SP6: variants seen among roughly 807,000 people sequenced by gnomAD.
The protein encoded by SP6 is transcription factor Sp6.
A neutral mutation model predicts 23.4 loss-of-function variants in SP6; 10 were observed. The ratio of observed to expected loss-of-function variants is 0.43; its 90% confidence interval spans 0.26 to 0.72. The LOEUF (loss-of-function observed/expected upper bound fraction) is 0.72. SP6 is among the 30% of genes least tolerant of loss of function. The probability of loss-of-function intolerance (pLI) is 0.23; values close to 1 mark genes in which losing one functional copy is unlikely to be tolerated. For missense variants in SP6, 482 were observed against 523.8 expected (o/e 0.92, Z 0.78); for synonymous variants, 238 against 238.7 (o/e 1.00, Z 0.03).
At chr17:47,868,825 G>A in the SP6 span, among the ~76,000 whole-genome samples, 13 of 152,150 alleles carry the variant, frequency 8.5e-5, no homozygotes, top group Admixed American at 2.0e-4. Flanking sequence ...CGGGATGGGG[G>A]AAGAAGGAGG....
chr17:47,853,776 TCAA>T (rs960027361), upstream of SP6, among the ~76,000 whole-genome samples: 1 of 152,164 alleles, frequency 6.6e-6, no homozygotes, highest in African/African-American at 2.4e-5. Flanking sequence ...AGCAGGAAAT[TCAA>T]CAACAATGCA....
In SP6 at chr17:47,848,329, C is replaced by CTGCACGAGTGTGG. The variant is rs767001681; in HGVS notation, c.100_101insCCACACTCGTGCA (p.Gly34AlafsTer10). On this transcript the variant is annotated frameshift_variant, in exon 2 of 2. Transcript: ENST00000536300. LOFTEE classifies it high-confidence loss of function. The surrounding 1 kb of genome is among the most constrained non-coding windows in gnomAD (Gnocchi z 5.3). ...GTCCCCGGCCTCAGGGCTCGTGTGG[C>CTGCACGAGTGTGG]CCTGGTAAGTTTGGAGAGGCTGCAG... 2.5e-6 allele frequency: 4 copies of CTGCACGAGTGTGG among 1,609,132 alleles called. No homozygotes were observed. In the East Asian group the frequency reaches 9.0e-5, roughly 36 times the overall value.
At chr17:47,854,644 G>A (rs1000139026), upstream of SP6, among the ~76,000 whole-genome samples, 1 of 152,158 alleles carries the variant, frequency 6.6e-6, no homozygotes, top group African/African-American at 2.4e-5. Flanking sequence ...GCTGAGACAA[G>A]TCAGACTCTA....
At chr17:47,855,062 G>A (rs912654124), upstream of SP6, among the ~76,000 whole-genome samples, 3 of 152,178 alleles carry the variant, frequency 2.0e-5, no homozygotes, top group African/African-American at 7.2e-5. Context: ...AACACTTATC[G>A]AGGGTCTACT....
At chr17:47,871,523 A>G in the SP6 span, among the ~76,000 whole-genome samples, 75 of 151,084 alleles carry the variant, frequency 5.0e-4, 1 homozygote, top group Admixed American at 7.2e-4. Flanking sequence ...ATAAGTGAAA[A>G]CCTCTCCATT....
upstream of SP6, among the ~76,000 whole-genome samples, chr17:47,852,675 T>C (rs2033969809): frequency 6.6e-6 from 1 of 152,084 alleles, no homozygotes; most frequent in Non-Finnish European, 1.5e-5. Flanking sequence ...ACCGAGTGCA[T>C]AAGCGGGGTG....
the SP6 span, among the ~76,000 whole-genome samples, chr17:47,876,167 T>C: frequency 3.3e-5 from 5 of 152,218 alleles, no homozygotes; most frequent in Non-Finnish European, 7.4e-5. Flanking sequence ...TCTGGTAGAT[T>C]CGAGGTGGTT....
the SP6 span, among the ~76,000 whole-genome samples, chr17:47,866,911 G>C: frequency 6.6e-6 from 1 of 152,176 alleles, no homozygotes; most frequent in Admixed American, 6.5e-5. Flanking sequence ...AGACAGGGAG[G>C]GGGAGGTGAG....
chr17:47,864,225 C>CT, the SP6 span, among the ~76,000 whole-genome samples: 6 of 151,612 alleles, frequency 4.0e-5, no homozygotes, highest in African/African-American at 1.2e-4. Context: ...CTGAATGAGT[C>CT]TTTGAGTCTT....
At chr17:47,857,462 T>TA (rs1334031396), upstream of SP6, among the ~76,000 whole-genome samples, 1 of 152,184 alleles carries the variant, frequency 6.6e-6, no homozygotes, top group Non-Finnish European at 1.5e-5. Flanking sequence ...TATGCTTAGG[T>TA]AGCAGGTCCA....
At chr17:47,852,057 G>A, upstream of SP6, among the ~76,000 whole-genome samples, 1 of 152,072 alleles carries the variant, frequency 6.6e-6, no homozygotes, top group East Asian at 1.9e-4. Flanking sequence ...CGGTTCTGAA[G>A]AATGGGCAGG....
chr17:47,849,711 C>T (rs2033935255), intron 1 of SP6, among the ~76,000 whole-genome samples: 1 of 152,198 alleles, frequency 6.6e-6, no homozygotes, highest in Admixed American at 6.5e-5. Flanking sequence ...TTTCTGTAAA[C>T]CAATCTTTCT....
At chr17:47,874,093 T>A in the SP6 span, among the ~76,000 whole-genome samples, 1 of 151,676 alleles carries the variant, frequency 6.6e-6, no homozygotes, top group African/African-American at 2.4e-5. Context: ...CTTCTTCTTC[T>A]TTTTTGTTAT....
At chr17:47,856,716 C>T (rs371630357), upstream of SP6, among the ~76,000 whole-genome samples, 12 of 152,144 alleles carry the variant, frequency 7.9e-5, no homozygotes, top group South Asian at 2.3e-3. Context: ...AACTCTGACC[C>T]ACATAGGAGA....
At chr17:47,859,162 C>T (rs2034018856), upstream of SP6, among the ~76,000 whole-genome samples, 1 of 152,164 alleles carries the variant, frequency 6.6e-6, no homozygotes, top group African/African-American at 2.4e-5. Flanking sequence ...TCATCCAGGA[C>T]CCTCCCACTT....
At chr17:47,875,621 C>T in the SP6 span, among the ~76,000 whole-genome samples, 1 of 152,212 alleles carries the variant, frequency 6.6e-6, no homozygotes. Context: ...GCTGGATGGC[C>T]CTGATGCCAG....
At chr17:47,869,341 A>T in the SP6 span, among the ~76,000 whole-genome samples, 1 of 152,180 alleles carries the variant, frequency 6.6e-6, no homozygotes, top group African/African-American at 2.4e-5. Flanking sequence ...GTGGTCTGGG[A>T]CCAGCGATCT....
chr17:47,872,926 C>T, the SP6 span, among the ~76,000 whole-genome samples: 1 of 152,170 alleles, frequency 6.6e-6, no homozygotes, highest in Non-Finnish European at 1.5e-5. Context: ...GGGACCGGGG[C>T]TGGAGAGGGC....
At chr17:47,875,950 A>C in the SP6 span, among the ~76,000 whole-genome samples, 1 of 152,108 alleles carries the variant, frequency 6.6e-6, no homozygotes, top group Non-Finnish European at 1.5e-5. Context: ...GGGTGAGTGA[A>C]GCAGGTGGTT....
Sources: allele counts gnomAD v4.1 joint callset (sites outside exome capture counted in the v4.1 genomes callset), GRCh38; gene constraint gnomAD v4.1.1; non-coding constraint Gnocchi (gnomAD v3.1); transcripts MANE v1.5; gene names NCBI Gene and HGNC (gene_info 2026-07-23, HGNC 2026-07-21).